AKIRIN1: variants seen among roughly 807,000 people sequenced by gnomAD.
The protein encoded by AKIRIN1 is akirin-1.
Under a neutral mutation model 25.9 loss-of-function variants are expected in AKIRIN1, and 4 were observed. That is an observed-to-expected ratio of 0.15 (90% CI 0.08 to 0.35). AKIRIN1 has a LOEUF of 0.35. Among genes scored for constraint, AKIRIN1 ranks in the 10% least tolerant of loss-of-function variants. AKIRIN1 has a pLI of 1.00. For synonymous variants in AKIRIN1, 125 were observed against 105.1 expected (o/e 1.19, Z -1.16); for missense variants, 243 against 266.1 (o/e 0.91, Z 0.61).
chr1:39,003,326 G>T, intron 3 of AKIRIN1, 21 bp from the exon 4 acceptor site: 1 of 1,608,916 alleles, frequency 6.2e-7, no homozygotes. Context: ...CTGAGGATAA[G>T]TATGTACTGT....
intron 1 of AKIRIN1, among the ~76,000 whole-genome samples, chr1:38,992,052 A>C (rs1643910059): frequency 6.6e-6 from 1 of 152,190 alleles, no homozygotes; most frequent in Non-Finnish European, 1.5e-5. Context: ...CGTGCTGTTT[A>C]GCCCTGTAGG....
rs948398220 is a variant in AKIRIN1, at chr1:39,001,239, C to G, written c.496+133C>G. The G allele has an allele frequency of 1.0e-5, 9 of 901,562 alleles. No individual in the cohort carries two copies. The African/African-American group carries it at 1.6e-4, about 16-fold the overall frequency. The allele number at this position is 901,562 out of a possible 1,614,324, so 55.8% of individuals were successfully genotyped here. On this transcript the variant is annotated intron_variant, in intron 3 of 4. Coordinates refer to ENST00000432648, the MANE Select transcript of AKIRIN1 (RefSeq NM_024595.3). ...TTGAGTTGCGGGTATGGAAGTTACTCTTTGGTGATTGTAAACACATCATTT... is the reference window on the plus strand; with the variant it reads ...TTGAGTTGCGGGTATGGAAGTTACTGTTTGGTGATTGTAAACACATCATTT...
chr1:38,995,003 A>T (rs552179879), intron 1 of AKIRIN1, among the ~76,000 whole-genome samples: 63 of 150,892 alleles, frequency 4.2e-4, no homozygotes, highest in African/African-American at 1.5e-3. Flanking sequence ...TAATTTTTGT[A>T]TTTTTTTTGT....
rs150520957 is a variant in AKIRIN1, at chr1:38,995,472, T to G, written c.221-2699T>G. On this transcript the variant is annotated intron_variant, in intron 1 of 4. Transcript: ENST00000432648. Reference sequence around the variant, plus strand: ...TTTGAGTTTTTCTTTTTAAAAAAATTTTGTGCTTTATATGGCCTTCTACAG... The same window carrying G: ...TTTGAGTTTTTCTTTTTAAAAAAATGTTGTGCTTTATATGGCCTTCTACAG... 4.8e-3 allele frequency among the ~76,000 whole-genome samples: 725 copies of G among 152,256 alleles called. 6 individuals carry two copies. The highest frequency in any genetic ancestry group is 0.017 in the African/African-American group (692 of 41,542).
At chr1:38,992,091 AC>A (rs140966171) in intron 1 of AKIRIN1, among the ~76,000 whole-genome samples, 2,149 of 152,190 alleles carry the variant, frequency 0.014, 47 homozygotes, top group African/African-American at 0.047. Flanking sequence ...GTCTTTAGGA[AC>A]CCAGAGGCCG....
rs1024857564 is a variant in AKIRIN1 at position 38,998,250 on chromosome 1, T to C, written c.300T>C (p.Ser100=). 1.9e-6 allele frequency: 3 copies of C among 1,613,914 alleles called. No individual in the cohort carries two copies. Among genetic ancestry groups the C allele is most frequent in the African/African-American group, 2.7e-5 (2 of 74,924 alleles). ...WRHLEVVLNQ[S]EACASESQPH... Reference sequence around the variant, plus strand: ...ATTTAGAAGTTGTTCTTAATCAGAGTGAAGCTTGTGCTTCGGAAAGTCAAC... The same window carrying C: ...ATTTAGAAGTTGTTCTTAATCAGAGCGAAGCTTGTGCTTCGGAAAGTCAAC... The change falls in exon 2 of 5, where the codon AGT becomes AGC. Residue 100 remains serine (S), a synonymous_variant. Coordinates refer to ENST00000432648, the MANE Select transcript of AKIRIN1 (RefSeq NM_024595.3).
chr1:38,995,942 G>C lies in AKIRIN1; in HGVS notation c.221-2229G>C, dbSNP rs181002728. On this transcript the variant is annotated intron_variant, in intron 1 of 4. Coordinates refer to ENST00000432648, the MANE Select transcript of AKIRIN1 (RefSeq NM_024595.3). The stretch of plus-strand genomic sequence containing the variant: ...CAAACTACTCTGGAGGCTGAGGCAG[G>C]AGAATTGCTTGAACCTGGGAGGTAG... 1.2e-3 allele frequency among the ~76,000 whole-genome samples: 183 copies of C among 152,294 alleles called. 1 individual carries two copies. The highest frequency in any genetic ancestry group is 4.1e-3 in the African/African-American group (169 of 41,570).
intron 1 of AKIRIN1, among the ~76,000 whole-genome samples, chr1:38,992,816 C>T (rs79084607): frequency 0.02 from 3,025 of 152,196 alleles, 37 homozygotes; most frequent in Middle Eastern, 0.031. Flanking sequence ...CATGTTTTTC[C>T]CTTCTATTTG....
chr1:38,992,930 A>G (rs1643920111), intron 1 of AKIRIN1, among the ~76,000 whole-genome samples: 1 of 152,188 alleles, frequency 6.6e-6, no homozygotes, highest in African/African-American at 2.4e-5. Context: ...AATGTTGTAT[A>G]ACCTTATGTA....
intron 1 of AKIRIN1, among the ~76,000 whole-genome samples, chr1:38,994,530 CAG>C (rs1453302961): frequency 6.6e-6 from 1 of 152,050 alleles, no homozygotes; most frequent in African/African-American, 2.4e-5. Flanking sequence ...TTTTTTGAGA[CAG>C]AGTCACTCTG....
At chr1:39,003,892 C>T (rs566683486) in intron 4 of AKIRIN1, among the ~76,000 whole-genome samples, 153 bp from the exon 5 acceptor site, 5 of 152,310 alleles carry the variant, frequency 3.3e-5, no homozygotes, top group South Asian at 2.1e-4. Flanking sequence ...GAATTTCAGT[C>T]AGGTTCCTTA....
At chr1:38,994,691 T>A (rs1222608946) in intron 1 of AKIRIN1, among the ~76,000 whole-genome samples, 16 of 128,884 alleles carry the variant, frequency 1.2e-4, no homozygotes, top group Non-Finnish European at 2.1e-4. Context: ...TTTTTTTTTT[T>A]TTTTTTTTTT....
In AKIRIN1 at chr1:38,991,755, T is replaced by G. The variant is rs1643907868; in HGVS notation, c.220+155T>G. ...CTGGGATGCCGCTGGGCCTGGTTGC[T>G]TCCGGTGATGGGAGGCATCCGGGAG... is the stretch of plus-strand genomic sequence containing the variant. On this transcript the variant is annotated intron_variant, in intron 1 of 4. Coordinates refer to ENST00000432648, the MANE Select transcript of AKIRIN1 (RefSeq NM_024595.3). Among the ~76,000 whole-genome samples, 3 of 152,282 alleles carry G rather than the reference T, an allele frequency of 2.0e-5. No individual in the cohort carries two copies. In the South Asian group the frequency reaches 6.2e-4, roughly 32 times the overall value.
intron 2 of AKIRIN1, among the ~76,000 whole-genome samples, chr1:39,000,345 CTTTTT>C (rs3078308): frequency 7.8e-5 from 10 of 128,304 alleles, no homozygotes; most frequent in African/African-American, 5.7e-5. Context: ...TTTTCTTTTT[CTTTTT>C]TTTTTTTTTT....
intron 1 of AKIRIN1, among the ~76,000 whole-genome samples, chr1:38,997,564 GT>G (rs1481945535): frequency 6.6e-6 from 1 of 151,956 alleles, no homozygotes; most frequent in Non-Finnish European, 1.5e-5. Context: ...AGATTTTGCT[GT>G]GTTGTTCAGG....
intron 2 of AKIRIN1, among the ~76,000 whole-genome samples, chr1:38,998,720 A>G (rs1174385150): frequency 6.6e-6 from 1 of 152,010 alleles, no homozygotes; most frequent in African/African-American, 2.4e-5. Flanking sequence ...CCTGGCCAAC[A>G]TGGCAAAACC....
chr1:38,999,195 A>G (rs886443910), intron 2 of AKIRIN1, among the ~76,000 whole-genome samples: 3 of 152,216 alleles, frequency 2.0e-5, no homozygotes, highest in Non-Finnish European at 1.5e-5. Context: ...CTCCTTTAAC[A>G]GTAGAAGAGT....
chr1:39,001,316 T>A (rs2148069199), intron 3 of AKIRIN1, among the ~76,000 whole-genome samples: 1 of 149,568 alleles, frequency 6.7e-6, no homozygotes, highest in East Asian at 2.0e-4. Context: ...GACAGAGTTT[T>A]GCTCTTATTT....
intron 1 of AKIRIN1, among the ~76,000 whole-genome samples, chr1:38,991,840 T>G (rs1643908416): frequency 6.6e-6 from 1 of 151,544 alleles, no homozygotes; most frequent in African/African-American, 2.4e-5. Flanking sequence ...CCTGGAGGGG[T>G]GGACACCAAG....
Sources: allele counts gnomAD v4.1 joint callset (sites outside exome capture counted in the v4.1 genomes callset), GRCh38; gene constraint gnomAD v4.1.1; transcripts MANE v1.5; gene names NCBI Gene and HGNC (gene_info 2026-07-23, HGNC 2026-07-21).